The following TRIM66 variants were observed in gnomAD, a reference collection of about 807,000 sequenced individuals.
TRIM66 encodes the protein tripartite motif-containing protein 66.
TRIM66 carries 99 observed loss-of-function variants against 148.2 expected under a neutral mutation model. The ratio of observed to expected loss-of-function variants is 0.67; its 90% CI spans 0.57 to 0.79. The LOEUF (loss-of-function observed/expected upper bound fraction) is 0.79. TRIM66 is among the 30% of genes least tolerant of loss of function. TRIM66 has a pLI of 0.00. For missense variants in TRIM66, 1,666 were observed against 1,697.9 expected (o/e 0.98, Z 0.33); for synonymous variants, 616 against 635.9 (o/e 0.97, Z 0.47).
At chr11:8,646,652 C>T in intron 10 of TRIM66, 91 bp from the exon 11 acceptor site, 1 of 999,156 alleles carries the variant, frequency 1.0e-6, no homozygotes, top group Non-Finnish European at 1.5e-6. Context: ...AACTTGGAGG[C>T]TGCCTACTGA....
chr11:8,642,562 G>C (rs1278224332), intron 13 of TRIM66, among the ~76,000 whole-genome samples: 1 of 152,114 alleles, frequency 6.6e-6, no homozygotes, highest in African/African-American at 2.4e-5. Context: ...GAAAGGATAT[G>C]TCTGTGTGAC....
chr11:8,649,335 T>C (rs1223640275), intron 8 of TRIM66, among the ~76,000 whole-genome samples: 1 of 151,168 alleles, frequency 6.6e-6, no homozygotes, highest in Non-Finnish European at 1.5e-5. Context: ...TGAGACTCCA[T>C]CTCAAAAAAA....
In TRIM66 at chr11:8,649,636, C is replaced by T. The variant is rs376820327; in HGVS notation, c.592+104G>A. The stretch of plus-strand genomic sequence containing the variant: ...AAGGCTCTGAGACTGTCCCTACCTT[C>T]TCCCCCAGCAAGAAAACAAGATCGG... On this transcript the variant is annotated intron_variant, in intron 8 of 24. Transcript: ENST00000646038. 20 of 1,434,114 alleles carry T rather than the reference C, an allele frequency of 1.4e-5. No individual in the cohort carries two copies. The African/African-American group carries it at 2.3e-4, about 16-fold the overall frequency. 88.8% of individuals were successfully genotyped at this position (1,434,114 alleles called of 1,614,324 possible).
chr11:8,678,077 C>T (rs2039261248), intron 3 of TRIM66: 2 of 152,058 alleles, frequency 1.3e-5, no homozygotes, highest in Non-Finnish European at 2.9e-5. Context: ...TAAATTGGTA[C>T]GATCCTTTTG....
Position 8,625,212 on chromosome 11 carries a change from C to A in TRIM66, c.2327G>T (p.Ser776Ile). ...NVVRKHSTSL[S>I]IMGFSNTLEM... ...CAGAGTGTTGGAAAAGCCCATGATG[C>A]TCAGCGAGGTGGAGTGCTGCAGGAA... Residue 776 changes from serine to isoleucine, a missense_variant, in exon 16 of 25, where the codon AGC becomes ATC. By Grantham distance (142) the Ser-to-Ile change is moderately radical (BLOSUM62 -2). Coordinates refer to ENST00000646038, the MANE Select transcript of TRIM66 (RefSeq NM_001388022.1). The A allele has an allele frequency of 6.6e-7, 1 of 1,507,666 alleles. No individual in the cohort carries two copies. The highest frequency in any genetic ancestry group is 2.1e-5 in the Admixed American group (1 of 48,602). 93.4% of individuals were successfully genotyped at this position (1,507,666 alleles called of 1,614,324 possible). A position where few individuals can be genotyped will look rare whatever the true frequency, so the allele number is the denominator to read the frequency against.
At chr11:8,677,556 G>A (rs868543458) in intron 3 of TRIM66, among the ~76,000 whole-genome samples, 15 of 151,632 alleles carry the variant, frequency 9.9e-5, no homozygotes, top group South Asian at 2.1e-4. Context: ...AGGTAGGAGG[G>A]CTGCTTGAGG....
chr11:8,683,022 CG>C, upstream of TRIM66: 1 of 839,840 alleles, frequency 1.2e-6, no homozygotes, highest in Non-Finnish European at 1.9e-6. Flanking sequence ...CTAGGACACG[CG>C]GGCCCCTGCG....
chr11:8,638,567 C>T (rs2036093238), intron 15 of TRIM66, 87 bp downstream of exon 15: 1 of 1,450,320 alleles, frequency 6.9e-7, no homozygotes, highest in Admixed American at 2.5e-5. Context: ...ACGCTCCTCC[C>T]CCCACCCTAT....
chr11:8,678,576 G>T (rs1240983911), intron 3 of TRIM66, among the ~76,000 whole-genome samples: 2 of 152,074 alleles, frequency 1.3e-5, no homozygotes, highest in Non-Finnish European at 2.9e-5. Flanking sequence ...TGTCTATTAC[G>T]TATAATTTTT....
Position 8,621,414 on chromosome 11 carries a change from C to T in TRIM66, c.3256-93G>A, listed in dbSNP as rs979635246. ...GAGACTGGCAGGCCCTGCATGCCTA[C>T]ATGAGAGCCACTTATTCCAGGACCC... On this transcript the variant is annotated intron_variant, in intron 19 of 24. Transcript: ENST00000646038. 7.7e-6 allele frequency: 11 copies of T among 1,435,578 alleles called. No individual in the cohort carries two copies. The Admixed American group carries it at 2.3e-4, about 30-fold the overall frequency. The allele number at this position is 1,435,578 out of a possible 1,614,324, so 88.9% of individuals were successfully genotyped here.
chr11:8,682,937 C>CCCGCAGGCGGCCA, upstream of TRIM66: 2 of 1,357,642 alleles, frequency 1.5e-6, no homozygotes, highest in Non-Finnish European at 2.0e-6. Context: ...GCATGGCCGC[C>CCCGCAGGCGGCCA]TGCGGGGCAG....
At chr11:8,619,185 A>G (rs2033959870) in intron 23 of TRIM66, 198 bp downstream of exon 23, 1 of 729,004 alleles carries the variant, frequency 1.4e-6, no homozygotes, top group Non-Finnish European at 2.2e-6. Flanking sequence ...ACTCACTAGT[A>G]CCTCCCCTTT....
Position 8,618,016 on chromosome 11 carries a change from T to C in TRIM66, c.4120-13A>G, listed in dbSNP as rs1203462542. ...CTCTTTCATTCTCCTGAAAGAAAAATATATATTTGGAATTAAAATAGCCAA... is the reference window on the plus strand; with the variant it reads ...CTCTTTCATTCTCCTGAAAGAAAAACATATATTTGGAATTAAAATAGCCAA... On this transcript the variant is annotated splice_polypyrimidine_tract_variant and intron_variant, in intron 24 of 24. Coordinates refer to ENST00000646038, the MANE Select transcript of TRIM66 (RefSeq NM_001388022.1). The C allele has an allele frequency of 7.7e-6, 12 of 1,550,952 alleles. No homozygotes were observed. The highest frequency in any genetic ancestry group is 9.6e-6 in the Non-Finnish European group (11 of 1,146,506).
At chr11:8,635,175 C>A (rs1353971265) in intron 15 of TRIM66, among the ~76,000 whole-genome samples, 1 of 152,144 alleles carries the variant, frequency 6.6e-6, no homozygotes, top group African/African-American at 2.4e-5. Flanking sequence ...GTCAAGGACC[C>A]GTGGTCTGGT....
chr11:8,623,026 GGT>G, intron 17 of TRIM66, 150 bp from the exon 18 acceptor site: 1 of 669,210 alleles, frequency 1.5e-6, no homozygotes, highest in Non-Finnish European at 2.6e-6. Flanking sequence ...CATACATAGT[GGT>G]GACAAGTCTG....
rs1211281791 is a variant in TRIM66, at chr11:8,613,897, T to G, written c.*4047A>C. On this transcript the variant is annotated 3_prime_UTR_variant, in exon 25 of 25. Transcript: ENST00000646038. ...GCATGGGTGGGGAAAAAAAAAGGGA[T>G]CACAACAAGTTAAAGAATTTCCAGT... is the stretch of plus-strand genomic sequence containing the variant. 3 of 151,698 alleles carry G rather than the reference T, an allele frequency of 2.0e-5. No homozygotes were observed. Among genetic ancestry groups the G allele is most frequent in the African/African-American group, 7.3e-5 (3 of 41,216 alleles). The allele number at this position is 151,698 out of a possible 1,614,324, so 9.4% of individuals were successfully genotyped here. A position where few individuals can be genotyped will look rare whatever the true frequency, so the allele number is the denominator to read the frequency against.
chr11:8,666,922 G>T (rs2038637735), intron 6 of TRIM66, among the ~76,000 whole-genome samples: 2 of 152,262 alleles, frequency 1.3e-5, no homozygotes, highest in South Asian at 4.1e-4. Context: ...TGGTTCTCCT[G>T]CCTGAGCCTC....
chr11:8,671,416 A>C, intron 6 of TRIM66, among the ~76,000 whole-genome samples: 1 of 152,200 alleles, frequency 6.6e-6, no homozygotes, highest in African/African-American at 2.4e-5. Context: ...GATTCTATTC[A>C]AAATCTGTTC....
intron 8 of TRIM66, 53 bp downstream of exon 8, chr11:8,649,687 G>A (rs2037182101): frequency 6.5e-7 from 1 of 1,535,884 alleles, no homozygotes; most frequent in Admixed American, 2.0e-5. Flanking sequence ...GGATCTTAGG[G>A]TTCAGCCCTG....
Sources: allele counts gnomAD v4.1 joint callset (sites outside exome capture counted in the v4.1 genomes callset), GRCh38; gene constraint gnomAD v4.1.1; transcripts MANE v1.5; gene names NCBI Gene and HGNC (gene_info 2026-07-23, HGNC 2026-07-21).